RFX7: variants seen among roughly 807,000 people sequenced by gnomAD.
RFX7 encodes DNA-binding protein RFX7.
RFX7 carries 26 observed loss-of-function variants against 111.8 expected under a neutral mutation model. The ratio of observed to expected loss-of-function variants is 0.23; its 90% CI spans 0.17 to 0.32. RFX7 has a LOEUF of 0.32. Ranked by LOEUF, RFX7 falls within the 10% of genes least tolerant of loss-of-function variation. RFX7 has a pLI of 1.00. For missense variants in RFX7, 1,573 were observed against 1,772.9 expected, an observed-to-expected ratio of 0.89 and a Z score of 2.02; for synonymous variants, 624 against 624.4, an observed-to-expected ratio of 1.00 and a Z score of 0.01.
chr15:56,104,842 A>G (rs2041808584), intron 5 of RFX7, among the ~76,000 whole-genome samples: 2 of 152,158 alleles, frequency 1.3e-5, no homozygotes, highest in Admixed American at 6.5e-5. Context: ...ACACATCACC[A>G]ACAATGCTAC....
chr15:56,127,550 ATT>A (rs71441430), intron 5 of RFX7, among the ~76,000 whole-genome samples: 54 of 141,362 alleles, frequency 3.8e-4, no homozygotes, highest in Middle Eastern at 3.5e-3. Flanking sequence ...TTTTGAAAAG[ATT>A]TTTTTTTTTT....
At chr15:56,149,776 G>C (rs2042541572) in intron 3 of RFX7, among the ~76,000 whole-genome samples, 1 of 151,850 alleles carries the variant, frequency 6.6e-6, no homozygotes, top group Non-Finnish European at 1.5e-5. Context: ...GGCCAATTGG[G>C]CAGACACCGA....
At chr15:56,136,599 AC>A (rs1164004741) in intron 5 of RFX7, among the ~76,000 whole-genome samples, 1 of 151,150 alleles carries the variant, frequency 6.6e-6, no homozygotes, top group East Asian at 1.9e-4. Flanking sequence ...CTAATTGAAT[AC>A]CCTTTATTTC....
At chr15:56,166,749 T>C (rs527612428) in intron 3 of RFX7, among the ~76,000 whole-genome samples, 73 of 152,154 alleles carry the variant, frequency 4.8e-4, no homozygotes, top group African/African-American at 1.7e-3. Context: ...TACTTGACTA[T>C]GGAACTTTTT....
At chr15:56,221,605 G>A (rs1428475679) in intron 2 of RFX7, among the ~76,000 whole-genome samples, 2 of 151,928 alleles carry the variant, frequency 1.3e-5, no homozygotes, top group African/African-American at 2.4e-5. Context: ...TATTCATTCT[G>A]TTCCACTGTT....
chr15:56,128,015 A>C (rs549905313), intron 5 of RFX7, among the ~76,000 whole-genome samples: 2 of 152,212 alleles, frequency 1.3e-5, no homozygotes, highest in Non-Finnish European at 2.9e-5. Flanking sequence ...TATGACAACA[A>C]ATTGGATAAT....
chr15:56,176,717 CCT>C (rs1395956687), intron 3 of RFX7, among the ~76,000 whole-genome samples: 5 of 152,078 alleles, frequency 3.3e-5, no homozygotes, highest in South Asian at 2.1e-4. Context: ...ATCCTTGATT[CCT>C]CTGTTTCCCC....
intron 2 of RFX7, among the ~76,000 whole-genome samples, chr15:56,233,074 C>A (rs1387110605): frequency 6.6e-6 from 1 of 152,206 alleles, no homozygotes; most frequent in Non-Finnish European, 1.5e-5. Context: ...GTGCCCCACT[C>A]TACCAGTACC....
At chr15:56,127,905 AAGAG>A (rs1373994417) in intron 5 of RFX7, among the ~76,000 whole-genome samples, 1 of 152,092 alleles carries the variant, frequency 6.6e-6, no homozygotes, top group African/African-American at 2.4e-5. Flanking sequence ...AAAAAAAAAA[AAGAG>A]AGATGACTCA....
At position 56,094,721 on chromosome 15, in the gene RFX7, C is replaced by T; in HGVS notation, c.3007G>A (p.Gly1003Ser). ...ALGSSRHTPI[G>S]TPHSNCSSSV... ...CTGCTGCAGTTAGAATGTGGAGTAC[C>T]AATGGGTGTATGTCGGCTACTTCCT... The change falls in exon 10 of 10, where the codon GGT becomes AGT. Residue 1003 changes from glycine to serine, a missense_variant. This residue lies in a region of RFX7 where 625 missense variants were observed against 632.2 expected (regional missense o/e 0.99). Coordinates refer to ENST00000559447, the MANE Select transcript of RFX7 (RefSeq NM_022841.7). 1 of 1,613,820 alleles carries T rather than the reference C, an allele frequency of 6.2e-7. No homozygotes were observed. The highest frequency in any genetic ancestry group is 1.1e-5 in the South Asian group (1 of 91,054).
chr15:56,204,382 CCCATA>C (rs2043229264), intron 2 of RFX7, among the ~76,000 whole-genome samples: 1 of 151,964 alleles, frequency 6.6e-6, no homozygotes, highest in Non-Finnish European at 1.5e-5. Flanking sequence ...GAAGAGCTAT[CCCATA>C]CATCATTTCC....
intron 3 of RFX7, among the ~76,000 whole-genome samples, chr15:56,173,781 G>A (rs1008204146): frequency 9.3e-5 from 14 of 150,930 alleles, no homozygotes; most frequent in African/African-American, 1.7e-4. Flanking sequence ...CAACAAGAGT[G>A]AAACTCCATC....
rs192489039 is a variant in RFX7, at chr15:56,122,284, G to C, written c.402-18614C>G. On this transcript the variant is annotated intron_variant, in intron 5 of 9. Coordinates refer to ENST00000559447, the MANE Select transcript of RFX7 (RefSeq NM_022841.7). ...ATGTGGTTCTTGCAGATTCACAGAG[G>C]TACCACCTTGATGGTGTTGGATAAG... Among the ~76,000 whole-genome samples, 484 of 152,214 alleles carry C rather than the reference G, an allele frequency of 3.2e-3. 3 individuals are homozygous for C. The highest frequency in any genetic ancestry group is 7.1e-3 in the Admixed American group (108 of 15,292).
chr15:56,243,021 T>C (rs551225765), intron 2 of RFX7, 104 bp downstream of exon 2: 2 of 764,236 alleles, frequency 2.6e-6, no homozygotes, highest in African/African-American at 1.8e-5. Context: ...ATTCAATGAA[T>C]GCATCAGCCT....
rs1392124289 is a variant in RFX7, at chr15:56,178,176, C to CACACACACAT, written c.195+1093_195+1094insATGTGTGTGT. 4.5e-5 allele frequency among the ~76,000 whole-genome samples: 6 copies of CACACACACAT among 133,392 alleles called. No individual in the cohort carries two copies. In the East Asian group the frequency reaches 1.3e-3, roughly 28 times the overall value. The allele number at this position is 133,392 out of a possible 152,430, so 87.5% of individuals were successfully genotyped here. On this transcript the variant is annotated intron_variant, in intron 3 of 9. Coordinates refer to ENST00000559447, the MANE Select transcript of RFX7 (RefSeq NM_022841.7). ...CGAAAACCAAAAAACTACACACACA[C>CACACACACAT]ACACACACACACACACACACACACA...
intron 3 of RFX7, among the ~76,000 whole-genome samples, chr15:56,175,018 A>C (rs2042888742): frequency 6.6e-6 from 1 of 152,208 alleles, no homozygotes; most frequent in Admixed American, 6.5e-5. Flanking sequence ...AATTAACAAG[A>C]AATTAAAACT....
intron 2 of RFX7, among the ~76,000 whole-genome samples, chr15:56,234,699 T>A (rs563413585): frequency 6.6e-6 from 1 of 152,206 alleles, no homozygotes; most frequent in African/African-American, 2.4e-5. Flanking sequence ...TCATGCTTAC[T>A]GCAAAAACAA....
chr15:56,093,547 A>G lies in RFX7; in HGVS notation c.4181T>C (p.Ile1394Thr), dbSNP rs1390070716. 6.2e-7 allele frequency: 1 copy of G among 1,613,732 alleles called. No homozygotes were observed. Among genetic ancestry groups the G allele is most frequent in the Non-Finnish European group, 8.5e-7 (1 of 1,179,812 alleles). Reference protein sequence around the residue: ...IRLSSELSGSINDLNTLDPNL... With the variant: ...IRLSSELSGSTNDLNTLDPNL... The stretch of plus-strand genomic sequence containing the variant: ...TGGGTCTAAAGTGTTCAAATCATTG[A>G]TGCTGCCTGAGAGCTCAGAAGACAA... Residue 1394 changes from isoleucine (I) to threonine (T), a missense_variant, in exon 10 of 10, where the codon ATC becomes ACC. By Grantham distance (89) the Ile-to-Thr change is moderately conservative. Around this residue, in one of 7 missense-constraint regions of RFX7, gnomAD observed 411 missense variants for 478.1 expected, o/e 0.86. Coordinates refer to ENST00000559447, the MANE Select transcript of RFX7 (RefSeq NM_022841.7).
chr15:56,231,966 C>T (rs2043563690), intron 2 of RFX7, among the ~76,000 whole-genome samples: 1 of 152,226 alleles, frequency 6.6e-6, no homozygotes, highest in South Asian at 2.1e-4. Context: ...CCATGTCTCA[C>T]ATCCAGGTCA....
Sources: allele counts gnomAD v4.1 joint callset (sites outside exome capture counted in the v4.1 genomes callset), GRCh38; gene constraint gnomAD v4.1.1; regional missense constraint gnomAD v4.1.1; transcripts MANE v1.5; gene names NCBI Gene and HGNC (gene_info 2026-07-23, HGNC 2026-07-21).